DAB1: variants seen among roughly 807,000 people sequenced by gnomAD.
DAB1 encodes disabled homolog 1.
A neutral mutation model predicts 64.6 loss-of-function variants in DAB1; 15 were observed. The observed-to-expected ratio is 0.23, with a 90% CI of 0.16 to 0.36. The LOEUF (loss-of-function observed/expected upper bound fraction) is 0.36. DAB1 is among the 10% of genes least tolerant of loss of function. The pLI, the probability that DAB1 is intolerant of heterozygous loss-of-function variation, is 1.00. For missense variants in DAB1, 596 were observed against 706.7 expected (o/e 0.84, Z 1.78); for synonymous variants, 235 against 251.9 (o/e 0.93, Z 0.64).
intron 4 of DAB1, among the ~76,000 whole-genome samples, chr1:58,268,082 C>T (rs579694): frequency 0.015 from 1,194 of 81,576 alleles, 19 homozygotes; most frequent in African/African-American, 0.037. Flanking sequence ...TCTAATTCTG[C>T]CACTTATGAG....
intron 1 of DAB1, among the ~76,000 whole-genome samples, chr1:58,534,673 G>A (rs879447617): frequency 3.3e-5 from 5 of 152,186 alleles, no homozygotes; most frequent in Admixed American, 1.3e-4. Flanking sequence ...GATGGCTCAC[G>A]CCTGTAATCC....
chr1:57,256,050 C>T (rs748320714), intron 2 of DAB1, among the ~76,000 whole-genome samples: 1 of 152,162 alleles, frequency 6.6e-6, no homozygotes, highest in Non-Finnish European at 1.5e-5. Flanking sequence ...CTGCCCTGTG[C>T]GTTGTTATCA....
intron 1 of DAB1, among the ~76,000 whole-genome samples, chr1:57,392,779 C>T (rs762828609): frequency 2.6e-5 from 4 of 152,122 alleles, no homozygotes; most frequent in Non-Finnish European, 5.9e-5. Context: ...GCCAGAAGAT[C>T]AACGTGACTC....
chr1:58,360,272 T>C (rs1043302988), intron 3 of DAB1, among the ~76,000 whole-genome samples: 1 of 152,170 alleles, frequency 6.6e-6, no homozygotes, highest in Non-Finnish European at 1.5e-5. Flanking sequence ...GGGAGCCATG[T>C]TGAAGTTTTA....
chr1:58,479,758 G>T (rs1008794760), intron 3 of DAB1, among the ~76,000 whole-genome samples: 2 of 152,140 alleles, frequency 1.3e-5, no homozygotes, highest in Admixed American at 1.3e-4. Flanking sequence ...GTAAAAAAAT[G>T]GACAGATTTG....
intron 2 of DAB1, among the ~76,000 whole-genome samples, chr1:57,242,609 G>A (rs1222396075): frequency 6.6e-6 from 1 of 152,106 alleles, no homozygotes; most frequent in Non-Finnish European, 1.5e-5. Context: ...CAACTCCTTG[G>A]TCTGCATATA....
Position 57,070,683 on chromosome 1 carries a change from C to T in DAB1, c.597+340G>A, listed in dbSNP as rs369308602. 1.0e-3 allele frequency: 261 copies of T among 261,766 alleles called. 4 individuals carry two copies. The South Asian group carries it at 0.013, about 13-fold the overall frequency. 16.2% of individuals were successfully genotyped at this position (261,766 alleles called of 1,614,324 possible). On this transcript the variant is annotated intron_variant, in intron 7 of 14. Coordinates refer to ENST00000371236, the MANE Select transcript of DAB1 (RefSeq NM_001365792.1). ...CTGGTTCTTAACTCAGAGAAGCCAC[C>T]TCATTATTCATATTCTCTCTAATGA... is the stretch of plus-strand genomic sequence containing the variant.
chr1:57,541,970 G>A (rs1644807763), intron 7 of DAB1, among the ~76,000 whole-genome samples: 1 of 152,076 alleles, frequency 6.6e-6, no homozygotes, highest in Non-Finnish European at 1.5e-5. Flanking sequence ...ATGGATCAGA[G>A]GACATCCTAG....
chr1:57,606,806 A>AGAGG (rs1250001010), intron 7 of DAB1, among the ~76,000 whole-genome samples: 3 of 145,232 alleles, frequency 2.1e-5, no homozygotes, highest in Non-Finnish European at 4.5e-5. Flanking sequence ...AGAGAGAGAG[A>AGAGG]GAGACAGATT....
chr1:57,765,313 C>A (rs1649262275), intron 6 of DAB1, among the ~76,000 whole-genome samples: 1 of 152,184 alleles, frequency 6.6e-6, no homozygotes, highest in Non-Finnish European at 1.5e-5. Flanking sequence ...CCAGAATACA[C>A]TCAGCAGCTG....
chr1:57,071,493 C>T (rs375883054), intron 6 of DAB1, 29 bp downstream of exon 6: 10 of 1,597,698 alleles, frequency 6.3e-6, no homozygotes, highest in African/African-American at 2.7e-5. Context: ...GGCCCGATCT[C>T]CAGCGCAAGG....
At chr1:58,503,681 AAGG>A (rs1189953372) in intron 3 of DAB1, among the ~76,000 whole-genome samples, 1 of 152,032 alleles carries the variant, frequency 6.6e-6, no homozygotes, top group African/African-American at 2.4e-5. Context: ...GTGAGGTTAC[AAGG>A]AGAAGATGGC....
intron 1 of DAB1, among the ~76,000 whole-genome samples, chr1:58,541,076 G>A (rs1416673298): frequency 6.6e-6 from 1 of 150,968 alleles, no homozygotes; most frequent in African/African-American, 2.4e-5. Flanking sequence ...TTGGGAGGCC[G>A]AGGCAGGTGG....
intron 9 of DAB1, among the ~76,000 whole-genome samples, chr1:57,049,169 C>A (rs1390771518): frequency 1.3e-5 from 2 of 152,036 alleles, no homozygotes; most frequent in African/African-American, 4.8e-5. Context: ...GGTGGAAAGG[C>A]TGATGTACAA....
rs142212693 is a variant in DAB1 at position 57,070,550 on chromosome 1, C to T, written c.597+473G>A. On this transcript the variant is annotated intron_variant, in intron 7 of 14. Coordinates refer to ENST00000371236, the MANE Select transcript of DAB1 (RefSeq NM_001365792.1). ...GGCATGAGCCAGGTAATTGGAGGGT[C>T]AGCTTGCCCCATCGGGGGTCAGAGA... Among the ~76,000 whole-genome samples, 243 of 152,332 alleles carry T rather than the reference C, an allele frequency of 1.6e-3. 1 individual carries two copies. Among genetic ancestry groups the T allele is most frequent in the African/African-American group, 5.7e-3 (237 of 41,578 alleles).
At chr1:57,184,356 G>A (rs1663306477) in intron 2 of DAB1, among the ~76,000 whole-genome samples, 2 of 152,164 alleles carry the variant, frequency 1.3e-5, no homozygotes, top group Admixed American at 6.5e-5. Context: ...TGGTTACGCT[G>A]CATCCGTTCT....
chr1:57,178,493 G>T (rs1662569469), intron 2 of DAB1, among the ~76,000 whole-genome samples: 1 of 152,102 alleles, frequency 6.6e-6, no homozygotes, highest in East Asian at 1.9e-4. Flanking sequence ...AATAGAATAT[G>T]CATTGTGCCA....
intron 7 of DAB1, among the ~76,000 whole-genome samples, chr1:57,640,669 T>TGG (rs1247341070): frequency 4.6e-5 from 7 of 152,202 alleles, no homozygotes; most frequent in Non-Finnish European, 1.0e-4. Context: ...GTAAGTTAAA[T>TGG]GGGTTCAGCA....
chr1:57,293,940 T>A (rs1442290413), intron 1 of DAB1, among the ~76,000 whole-genome samples: 3 of 152,088 alleles, frequency 2.0e-5, no homozygotes, highest in Non-Finnish European at 4.4e-5. Context: ...CTGAAGTACA[T>A]CCCTACATCA....
Sources: allele counts gnomAD v4.1 joint callset (sites outside exome capture counted in the v4.1 genomes callset), GRCh38; gene constraint gnomAD v4.1.1; transcripts MANE v1.5; gene names NCBI Gene and HGNC (gene_info 2026-07-23, HGNC 2026-07-21).